SULT1C2: variants seen among roughly 807,000 people sequenced by gnomAD.
SULT1C2 encodes sulfotransferase family 1C member 2.
In SULT1C2, 27 loss-of-function variants were observed where a neutral mutation model predicts 36.0. The ratio of observed to expected loss-of-function variants is 0.75; its 90% confidence interval spans 0.55 to 1.03. The LOEUF is 1.03. SULT1C2 is among the 50% of genes least tolerant of loss of function. The pLI, the probability that SULT1C2 is intolerant of heterozygous loss-of-function variation, is 0.00. For missense variants in SULT1C2, 395 were observed against 359.2 expected (o/e 1.10, Z -0.80); for synonymous variants, 121 against 116.0 (o/e 1.04, Z -0.27).
rs11689841 is a variant in SULT1C2, at chr2:108,309,116, G to A, written c.*652G>A. The A allele has an allele frequency of 0.29, 44,740 of 152,206 alleles. 8,293 individuals are homozygous for A. Among genetic ancestry groups the A allele is most frequent in the Non-Finnish European group, 0.41 (27,681 of 68,024 alleles). 9.4% of individuals were successfully genotyped at this position (152,206 alleles called of 1,614,324 possible). A position where few individuals can be genotyped will look rare whatever the true frequency, so the allele number is the denominator to read the frequency against. Reference sequence around the variant, plus strand: ...GTGGCCTTTTGGGAACCCAAGTTACGTCCTGGTGAAAGCAGAAAGGAGGAG... The same window carrying A: ...GTGGCCTTTTGGGAACCCAAGTTACATCCTGGTGAAAGCAGAAAGGAGGAG... On this transcript the variant is annotated 3_prime_UTR_variant, in exon 8 of 8. Transcript: ENST00000251481.
chr2:108,297,866 G>A (rs910401280), intron 3 of SULT1C2, among the ~76,000 whole-genome samples: 3 of 152,194 alleles, frequency 2.0e-5, no homozygotes, highest in Non-Finnish European at 4.4e-5. Flanking sequence ...CAACAGGGCT[G>A]GATCAGGAGT....
intron 3 of SULT1C2, chr2:108,298,716 C>A (rs902350431): frequency 1.1e-5 from 4 of 352,738 alleles, no homozygotes; most frequent in Non-Finnish European, 2.2e-5. Flanking sequence ...TATTTATATT[C>A]TCTATTAGGT....
chr2:108,305,237 C>T lies in SULT1C2; in HGVS notation c.568C>T (p.Leu190Phe). Residue 190 changes from leucine to phenylalanine, a missense_variant, in exon 6 of 8, where the codon CTC becomes TTC. Coordinates refer to ENST00000251481, the MANE Select transcript of SULT1C2 (RefSeq NM_001056.4). ...GGAGATGAAAGACAGACACCAGATTCTCTTCCTCTTCTATGAGGACATAAA... is the reference window on the plus strand; with the variant it reads ...GGAGATGAAAGACAGACACCAGATTTTCTTCCTCTTCTATGAGGACATAAA... ...WWEMKDRHQI[L>F]FLFYEDIKRD... The T allele has an allele frequency of 1.2e-6, 2 of 1,614,192 alleles. No homozygotes were observed. Among genetic ancestry groups the T allele is most frequent in the African/African-American group, 2.7e-5 (2 of 75,060 alleles).
chr2:108,292,393 A>AACACACAC lies in SULT1C2; in HGVS notation c.-21-1212_-21-1205dup, dbSNP rs66462427. Among the ~76,000 whole-genome samples, 105 of 133,456 alleles carry AACACACAC rather than the reference A, an allele frequency of 7.9e-4. 1 individual carries two copies. The highest frequency in any genetic ancestry group is 4.1e-3 in the South Asian group (15 of 3,696). 87.6% of individuals were successfully genotyped at this position (133,456 alleles called of 152,430 possible). A position where few individuals can be genotyped will look rare whatever the true frequency, so the allele number is the denominator to read the frequency against. ...AGTCTTCCCTCAATACAACAATGAC[A>AACACACAC]ACACACACACACACACACACACACA... On this transcript the variant is annotated intron_variant, in intron 1 of 7. Coordinates refer to ENST00000251481, the MANE Select transcript of SULT1C2 (RefSeq NM_001056.4).
intron 1 of SULT1C2, among the ~76,000 whole-genome samples, chr2:108,289,492 G>A (rs17821116): frequency 0.033 from 4,982 of 152,258 alleles, 98 homozygotes; most frequent in South Asian, 0.059. Flanking sequence ...CAAGGGTCCA[G>A]ACTTATAAGC....
intron 4 of SULT1C2, chr2:108,301,654 G>A (rs1439712869): frequency 2.0e-5 from 3 of 152,298 alleles, no homozygotes; most frequent in African/African-American, 7.2e-5. Flanking sequence ...CCCCACCTCT[G>A]CCTCTGGTAG....
chr2:108,304,477 A>G, intron 4 of SULT1C2, 97 bp from the exon 5 acceptor site: 2 of 1,406,572 alleles, frequency 1.4e-6, no homozygotes, highest in Non-Finnish European at 1.9e-6. Flanking sequence ...ACTGAGCCAG[A>G]GTGCACAGCA....
chr2:108,306,778 C>T (rs189713320), intron 7 of SULT1C2, among the ~76,000 whole-genome samples: 26 of 151,866 alleles, frequency 1.7e-4, no homozygotes, highest in African/African-American at 6.0e-4. Flanking sequence ...TGGTGGTGCA[C>T]GCCTGTAGTC....
rs17036108 is a variant in SULT1C2, at chr2:108,305,661, C to A, written c.778+66C>A. On this transcript the variant is annotated intron_variant, in intron 7 of 7. Coordinates refer to ENST00000251481, the MANE Select transcript of SULT1C2 (RefSeq NM_001056.4). The stretch of plus-strand genomic sequence containing the variant: ...AACATCCTGTCTGCCTCTTAGCAGA[C>A]AATATTGAGTTTTATTAATTCCAAG... 2.4e-3 allele frequency: 3,767 copies of A among 1,578,880 alleles called. 59 individuals carry two copies. In the African/African-American group the frequency reaches 0.042, roughly 18 times the overall value.
intron 3 of SULT1C2, among the ~76,000 whole-genome samples, chr2:108,296,396 C>A (rs151198769): frequency 7.0e-6 from 1 of 143,830 alleles, no homozygotes; most frequent in African/African-American, 2.5e-5. Context: ...GCTTTATGAT[C>A]TGCCCAGCCA....
At chr2:108,289,578 A>T (rs531612833) in intron 1 of SULT1C2, among the ~76,000 whole-genome samples, 2 of 152,278 alleles carry the variant, frequency 1.3e-5, no homozygotes, top group South Asian at 4.1e-4. Flanking sequence ...GAAAGGAGTG[A>T]TTACTTCTGT....
chr2:108,306,701 A>G (rs1677032773), intron 7 of SULT1C2, among the ~76,000 whole-genome samples: 1 of 152,078 alleles, frequency 6.6e-6, no homozygotes, highest in Non-Finnish European at 1.5e-5. Context: ...AGGTCAAGAG[A>G]TCAAGACCAA....
At chr2:108,308,264 G>T in intron 7 of SULT1C2, 88 bp from the exon 8 acceptor site, 3 of 1,230,926 alleles carry the variant, frequency 2.4e-6, no homozygotes, top group South Asian at 2.9e-5. Context: ...GGACAGGCCA[G>T]ATTCAGTATG....
At chr2:108,298,595 TG>T in intron 3 of SULT1C2, 1 of 305,808 alleles carries the variant, frequency 3.3e-6, no homozygotes, top group Non-Finnish European at 6.3e-6. Flanking sequence ...TTGCCCAGGC[TG>T]GTCTCAAACT....
At chr2:108,300,597 T>G in intron 3 of SULT1C2, 1 of 582,730 alleles carries the variant, frequency 1.7e-6, no homozygotes, top group Non-Finnish European at 2.7e-6. Flanking sequence ...TCTCACCTTC[T>G]GTCACCTCAT....
At chr2:108,295,796 A>AT (rs922783570) in intron 3 of SULT1C2, among the ~76,000 whole-genome samples, 1 of 152,064 alleles carries the variant, frequency 6.6e-6, no homozygotes, top group Non-Finnish European at 1.5e-5. Flanking sequence ...TAAGACCAGC[A>AT]TTTTTTGTTT....
At chr2:108,296,731 G>A (rs184055603) in intron 3 of SULT1C2, among the ~76,000 whole-genome samples, 63 of 152,334 alleles carry the variant, frequency 4.1e-4, no homozygotes, top group Admixed American at 1.2e-3. Flanking sequence ...GATTATAGGC[G>A]TAAGCCACCG....
At chr2:108,290,679 A>T (rs796471953) in intron 1 of SULT1C2, among the ~76,000 whole-genome samples, 20 of 152,200 alleles carry the variant, frequency 1.3e-4, no homozygotes, top group African/African-American at 4.3e-4. Flanking sequence ...GACCAAACTC[A>T]CCCACTTCTG....
intron 7 of SULT1C2, 30 bp downstream of exon 7, chr2:108,305,625 G>T: frequency 6.2e-7 from 1 of 1,613,154 alleles, no homozygotes; most frequent in Non-Finnish European, 8.5e-7. Flanking sequence ...CATACATTCA[G>T]ATTGTCTCGT....
Sources: gnomAD v4.1 joint callset for allele counts (sites outside exome capture counted in the v4.1 genomes callset) on GRCh38, gnomAD v4.1.1 for gene constraint, MANE v1.5 for transcripts, NCBI Gene and HGNC (gene_info 2026-07-23, HGNC 2026-07-21) for gene names.